MACROD2: variants seen among roughly 807,000 people sequenced by gnomAD.
The protein encoded by MACROD2 is mono-ADP ribosylhydrolase 2, also known as ADP-ribose glycohydrolase MACROD2.
Under a neutral mutation model 70.4 loss-of-function variants are expected in MACROD2, and 36 were observed. The ratio of observed to expected loss-of-function variants is 0.51; its 90% CI spans 0.39 to 0.68. MACROD2 has a LOEUF of 0.68. Ranked by LOEUF, MACROD2 falls within the 30% of genes least tolerant of loss-of-function variation. The pLI, the probability that MACROD2 is intolerant of heterozygous loss-of-function variation, is 0.00. For synonymous variants in MACROD2, 172 were observed against 178.8 expected, an observed-to-expected ratio of 0.96 and a Z score of 0.30; for missense variants, 496 against 538.4, an observed-to-expected ratio of 0.92 and a Z score of 0.78.
intron 5 of MACROD2, among the ~76,000 whole-genome samples, chr20:14,826,313 A>G (rs1419611421): frequency 1.3e-5 from 2 of 152,070 alleles, no homozygotes; most frequent in Non-Finnish European, 2.9e-5. Context: ...TAATAAATAC[A>G]TGTATTACTA....
chr20:15,951,352 A>ACACACACAC (rs1414285468), intron 12 of MACROD2, among the ~76,000 whole-genome samples: 96 of 91,872 alleles, frequency 1.0e-3, no homozygotes, highest in Non-Finnish European at 1.9e-3. Flanking sequence ...CACACACACA[A>ACACACACAC]AGAGAGAGAG....
At chr20:15,021,217 T>C (rs1337686599) in intron 5 of MACROD2, among the ~76,000 whole-genome samples, 24 of 8,746 alleles carry the variant, frequency 2.7e-3, no homozygotes, top group African/African-American at 0.012. Flanking sequence ...TGTATACACA[T>C]ACAGGTGTGC....
chr20:15,034,664 G>T (rs965101903), intron 5 of MACROD2, among the ~76,000 whole-genome samples: 1 of 152,074 alleles, frequency 6.6e-6, no homozygotes, highest in African/African-American at 2.4e-5. Flanking sequence ...GTTTGCCCAT[G>T]ATATATTTTG....
At chr20:15,984,752 T>C (rs931300067) in intron 13 of MACROD2, among the ~76,000 whole-genome samples, 1 of 151,830 alleles carries the variant, frequency 6.6e-6, no homozygotes, top group African/African-American at 2.4e-5. Context: ...TTTAGCAAAC[T>C]TCACTTTTGT....
intron 5 of MACROD2, among the ~76,000 whole-genome samples, chr20:15,003,142 G>A (rs1026165771): frequency 1.2e-4 from 18 of 152,238 alleles, no homozygotes; most frequent in Admixed American, 7.2e-4. Context: ...ATAATTAACA[G>A]CATTTATCAG....
chr20:14,273,927 C>T (rs1393491497), intron 3 of MACROD2, among the ~76,000 whole-genome samples: 1 of 152,066 alleles, frequency 6.6e-6, no homozygotes, highest in Non-Finnish European at 1.5e-5. Flanking sequence ...CACATACACC[C>T]TCCCAAGACT....
At chr20:15,535,000 G>A (rs540475389) in intron 8 of MACROD2, among the ~76,000 whole-genome samples, 74 of 151,836 alleles carry the variant, frequency 4.9e-4, no homozygotes, top group African/African-American at 1.6e-3. Flanking sequence ...TTTTGAGACG[G>A]GCTCTCACTC....
chr20:15,987,228 A>T, intron 15 of MACROD2, 70 bp downstream of exon 15: 1 of 1,251,866 alleles, frequency 8.0e-7, no homozygotes, highest in South Asian at 1.3e-5. Flanking sequence ...GAATTCAACC[A>T]TCAAAGTTAT....
At chr20:14,975,554 T>G (rs1232142485) in intron 5 of MACROD2, among the ~76,000 whole-genome samples, 3 of 151,850 alleles carry the variant, frequency 2.0e-5, no homozygotes, top group Admixed American at 1.3e-4. Context: ...ATTGGTCAGA[T>G]GAGGGGAGGA....
At chr20:14,668,245 A>G (rs1288259016) in intron 4 of MACROD2, among the ~76,000 whole-genome samples, 4 of 152,180 alleles carry the variant, frequency 2.6e-5, no homozygotes, top group South Asian at 4.1e-4. Flanking sequence ...CATTCTGAAG[A>G]GAAAACCCCA....
At chr20:16,020,651 A>G (rs2066988841) in intron 15 of MACROD2, among the ~76,000 whole-genome samples, 1 of 150,730 alleles carries the variant, frequency 6.6e-6, no homozygotes, top group African/African-American at 2.4e-5. Flanking sequence ...TCTATCTCAT[A>G]CTTTGGCTAA....
chr20:15,869,707 T>C (rs1345705448), intron 9 of MACROD2, among the ~76,000 whole-genome samples: 2 of 152,084 alleles, frequency 1.3e-5, no homozygotes, highest in South Asian at 2.1e-4. Context: ...TGGTCTTAAA[T>C]ACAGATTTTC....
chr20:15,648,874 ATCTGT>A (rs1555854089), intron 8 of MACROD2, among the ~76,000 whole-genome samples: 2 of 152,150 alleles, frequency 1.3e-5, no homozygotes, highest in Non-Finnish European at 2.9e-5. Context: ...AATTTATCCT[ATCTGT>A]TAAAACTCTT....
intron 7 of MACROD2, among the ~76,000 whole-genome samples, chr20:15,484,087 T>A (rs1343427507): frequency 1.8e-5 from 1 of 57,060 alleles, no homozygotes. Context: ...ATTTTATTTT[T>A]CTTGTCTTGC....
At chr20:14,993,077 G>T (rs2074919070) in intron 5 of MACROD2, among the ~76,000 whole-genome samples, 2 of 151,832 alleles carry the variant, frequency 1.3e-5, no homozygotes, top group African/African-American at 2.4e-5. Flanking sequence ...GTCCTTTCTG[G>T]TACTTTGCCA....
At chr20:15,107,053 T>C (rs1183062838) in intron 5 of MACROD2, among the ~76,000 whole-genome samples, 1 of 117,334 alleles carries the variant, frequency 8.5e-6, no homozygotes, top group Non-Finnish European at 1.7e-5. Flanking sequence ...TATAGATTGT[T>C]CTGTAATTCA....
intron 4 of MACROD2, among the ~76,000 whole-genome samples, chr20:14,680,396 C>T (rs1264477637): frequency 6.6e-6 from 1 of 152,108 alleles, no homozygotes; most frequent in African/African-American, 2.4e-5. Context: ...GGGTTTTCCG[C>T]TGAAACTCCA....
chr20:15,439,336 A>G (rs2046466098), intron 7 of MACROD2, among the ~76,000 whole-genome samples: 1 of 152,170 alleles, frequency 6.6e-6, no homozygotes, highest in Non-Finnish European at 1.5e-5. Flanking sequence ...CTATAATGAA[A>G]TTTTGAGGAT....
At chr20:14,371,831 T>G (rs1211918573) in intron 3 of MACROD2, among the ~76,000 whole-genome samples, 2 of 152,030 alleles carry the variant, frequency 1.3e-5, no homozygotes, top group Non-Finnish European at 2.9e-5. Context: ...TCTTTTCTTT[T>G]TTTTTGAAGA....
Sources: gnomAD v4.1 joint callset for allele counts (sites outside exome capture counted in the v4.1 genomes callset) on GRCh38, gnomAD v4.1.1 for gene constraint, MANE v1.5 for transcripts, NCBI Gene and HGNC (gene_info 2026-07-23, HGNC 2026-07-21) for gene names.